The following ASIP variants were observed in gnomAD, a reference collection of about 807,000 sequenced individuals.
ASIP encodes agouti-signaling protein.
In ASIP, 11 loss-of-function variants were observed where a neutral mutation model predicts 10.3. That is an observed-to-expected ratio of 1.07 (90% CI 0.68 to 1.78). ASIP has a LOEUF of 1.78. Among genes scored for constraint, ASIP ranks in the 40% most tolerant of loss-of-function variants. The probability of loss-of-function intolerance (pLI) is 0.00; values close to 1 mark genes in which losing one functional copy is unlikely to be tolerated. For synonymous variants in ASIP, 70 were observed against 70.8 expected, an observed-to-expected ratio of 0.99 and a Z score of 0.06; for missense variants, 180 against 169.2, an observed-to-expected ratio of 1.06 and a Z score of -0.35.
At chr20:34,268,884 G>A in intron 3 of ASIP, 107 bp from the exon 4 acceptor site, 4 of 1,410,344 alleles carry the variant, frequency 2.8e-6, no homozygotes, top group Non-Finnish European at 3.9e-6. Flanking sequence ...AGCCAGCGGG[G>A]AAACCTCTGG....
intron 2 of ASIP, 98 bp from the exon 3 acceptor site, chr20:34,262,733 GA>G: frequency 1.5e-6 from 2 of 1,346,058 alleles, no homozygotes; most frequent in East Asian, 4.6e-5. Context: ...TCCTCTCCCT[GA>G]CCTTGTGACT....
intron 1 of ASIP, among the ~76,000 whole-genome samples, chr20:34,252,067 C>G (rs2035485840): frequency 6.6e-6 from 1 of 152,236 alleles, no homozygotes; most frequent in Admixed American, 6.5e-5. Flanking sequence ...AGTTTCCACT[C>G]TGTGCCTCAG....
intron 1 of ASIP, chr20:34,213,403 TAAC>T: frequency 1.4e-6 from 1 of 716,674 alleles, no homozygotes; most frequent in Non-Finnish European, 2.3e-6. Flanking sequence ...AGTGTTGCTA[TAAC>T]CAACACCTGA....
intron 1 of ASIP, chr20:34,214,362 T>A (rs2034993872): frequency 7.6e-7 from 1 of 1,322,424 alleles, no homozygotes; most frequent in Admixed American, 1.7e-5. Flanking sequence ...TTCGAAGAAC[T>A]CCAACGTCAC....
upstream of ASIP, among the ~76,000 whole-genome samples, chr20:34,239,766 G>T (rs989067416): frequency 6.6e-6 from 1 of 152,138 alleles, no homozygotes; most frequent in Non-Finnish European, 1.5e-5. Flanking sequence ...ATCACCAAAA[G>T]AAATTGGTTC....
At chr20:34,210,950 G>A (rs2034970711) in intron 1 of ASIP, among the ~76,000 whole-genome samples, 2 of 152,102 alleles carry the variant, frequency 1.3e-5, no homozygotes, top group South Asian at 2.1e-4. Flanking sequence ...GTTTGGGTAC[G>A]CTAATATTTT....
At chr20:34,191,936 G>A (rs1240185125), upstream of ASIP, among the ~76,000 whole-genome samples, 1 of 152,064 alleles carries the variant, frequency 6.6e-6, no homozygotes, top group African/African-American at 2.4e-5. Flanking sequence ...TCACCATGTT[G>A]GCCAGGCTGG....
chr20:34,195,681 G>A (rs2065912), intron 1 of ASIP, among the ~76,000 whole-genome samples: 1 of 152,114 alleles, frequency 6.6e-6, no homozygotes, highest in South Asian at 2.1e-4. Context: ...TCAGCCTCTG[G>A]CAGGTTGGGG....
At chr20:34,203,057 C>T (rs1157003402) in intron 1 of ASIP, among the ~76,000 whole-genome samples, 1 of 151,912 alleles carries the variant, frequency 6.6e-6, no homozygotes, top group Non-Finnish European at 1.5e-5. Flanking sequence ...ATCTGCCTGC[C>T]TCGGCCTCCC....
intron 1 of ASIP, among the ~76,000 whole-genome samples, chr20:34,199,954 C>A (rs533267743): frequency 6.6e-6 from 1 of 152,166 alleles, no homozygotes; most frequent in South Asian, 2.1e-4. Context: ...AAGGCAAGAG[C>A]CTCACTTGCC....
rs763259670 is a variant in ASIP, at chr20:34,260,492, T to A, written c.118T>A (p.Ser40Thr). 1.2e-6 allele frequency: 2 copies of A among 1,613,910 alleles called. No homozygotes were observed. Among genetic ancestry groups the A allele is most frequent in the Admixed American group, 3.3e-5 (2 of 60,000 alleles). The change falls in exon 2 of 4, where the codon TCC (serine) becomes ACC (threonine). Residue 40 changes from serine to threonine, a missense_variant. Ser to Thr is a moderately conservative substitution (Grantham distance 58, BLOSUM62 1). Transcript: ENST00000374954. ...LRDDRSLRSN[S>T]SVNLLDVPSV... ...AGATGACAGGAGCCTGAGAAGCAAC[T>A]CCTCTGTGAACCTACTGGATGTCCC...
chr20:34,209,426 CA>C (rs1488143625), intron 1 of ASIP, among the ~76,000 whole-genome samples: 1 of 152,218 alleles, frequency 6.6e-6, no homozygotes, highest in African/African-American at 2.4e-5. Context: ...CAGGAGCAGG[CA>C]GGAACCCCAC....
rs147979462 is a variant in ASIP at position 34,220,518 on chromosome 20, C to A, written c.-11+25758C>A. On this transcript the variant is annotated intron_variant, in intron 1 of 3. Coordinates refer to the ASIP transcript ENST00000568305. ...GCTGAGGTGGGAGGATCGCTTGAACCCAGGAGGCAGAGGTTGCAGTGTGCT... is the reference window on the plus strand; with the variant it reads ...GCTGAGGTGGGAGGATCGCTTGAACACAGGAGGCAGAGGTTGCAGTGTGCT... Among the ~76,000 whole-genome samples, 12 of 152,022 alleles carry A rather than the reference C, an allele frequency of 7.9e-5. No homozygotes were observed. The East Asian group carries it at 2.1e-3, about 27-fold the overall frequency.
chr20:34,258,744 A>AGT (rs2035628954), intron 1 of ASIP, among the ~76,000 whole-genome samples: 1 of 78,916 alleles, frequency 1.3e-5, no homozygotes, highest in East Asian at 3.5e-4. Flanking sequence ...GTATATATAT[A>AGT]CTATATATAA....
At chr20:34,233,143 CTTTT>C (rs755217642) in intron 1 of ASIP, among the ~76,000 whole-genome samples, 2 of 100,302 alleles carry the variant, frequency 2.0e-5, no homozygotes, top group Non-Finnish European at 1.9e-5. Flanking sequence ...GGGACAAGAG[CTTTT>C]TTTTTTTTTT....
intron 1 of ASIP, among the ~76,000 whole-genome samples, chr20:34,209,253 TG>T (rs2034957207): frequency 6.6e-6 from 1 of 152,162 alleles, no homozygotes; most frequent in South Asian, 2.1e-4. Context: ...TCCAAGTTGG[TG>T]GGGTGGGAGC....
chr20:34,223,661 G>A (rs1305685954), intron 1 of ASIP, among the ~76,000 whole-genome samples: 1 of 144,964 alleles, frequency 6.9e-6, no homozygotes, highest in Non-Finnish European at 1.5e-5. Flanking sequence ...CTGCCCGGCC[G>A]CCCCTACTGG....
rs1568744496 is a variant in ASIP, at chr20:34,201,024, CT to C, written c.-11+6267del. On this transcript the variant is annotated intron_variant, in intron 1 of 3. Coordinates refer to the ASIP transcript ENST00000568305. Reference sequence around the variant, plus strand: ...TCCTTCCTTCCTTCCTTCCTTCTTTCTTTCTTTCTTTCTTTCTTTCTTTCTT... The same window carrying C: ...TCCTTCCTTCCTTCCTTCCTTCTTTCTTCTTTCTTTCTTTCTTTCTTTCTT... Among the ~76,000 whole-genome samples, 653 of 82,292 alleles carry C rather than the reference CT, an allele frequency of 7.9e-3. 4 individuals are homozygous for C. The highest frequency in any genetic ancestry group is 0.011 in the South Asian group (35 of 3,268). The allele number at this position is 82,292 out of a possible 152,430, so 54.0% of individuals were successfully genotyped here.
At chr20:34,254,090 T>A (rs928929029) in intron 1 of ASIP, among the ~76,000 whole-genome samples, 21 of 151,516 alleles carry the variant, frequency 1.4e-4, no homozygotes, top group Non-Finnish European at 2.1e-4. Context: ...TGAGACAGAG[T>A]CTTACTCTGT....
Sources: gnomAD v4.1 joint callset for allele counts (sites outside exome capture counted in the v4.1 genomes callset) on GRCh38, gnomAD v4.1.1 for gene constraint, MANE v1.5 for transcripts, NCBI Gene and HGNC (gene_info 2026-07-23, HGNC 2026-07-21) for gene names.